The following BACH2 variants were observed in gnomAD, a reference collection of about 807,000 sequenced individuals.
BACH2 encodes transcription regulator protein BACH2.
A neutral mutation model predicts 61.8 loss-of-function variants in BACH2; 5 were observed. The observed-to-expected ratio is 0.08, with a 90% confidence interval of 0.04 to 0.17. The LOEUF is 0.17. Among genes scored for constraint, BACH2 ranks in the 10% least tolerant of loss-of-function variants. The pLI, the probability that BACH2 is intolerant of heterozygous loss-of-function variation, is 1.00. For synonymous variants in BACH2, 446 were observed against 440.1 expected (o/e 1.01, Z -0.17); for missense variants, 824 against 1,091.1 (o/e 0.76, Z 3.45).
At chr6:90,239,704 GT>G (rs1770375251) in intron 3 of BACH2, among the ~76,000 whole-genome samples, 1 of 150,834 alleles carries the variant, frequency 6.6e-6, no homozygotes, top group East Asian at 2.0e-4. Flanking sequence ...AAGAGATTAT[GT>G]TATCTCTGAA....
intron 4 of BACH2, among the ~76,000 whole-genome samples, chr6:90,203,391 CAAAAAA>C (rs34539345): frequency 3.3e-5 from 2 of 59,786 alleles, no homozygotes; most frequent in African/African-American, 7.2e-5. Context: ...TCTCTCTCTC[CAAAAAA>C]AAAAAAAAAA....
intron 4 of BACH2, among the ~76,000 whole-genome samples, chr6:90,186,016 T>A (rs191635385): frequency 0.021 from 3,209 of 152,260 alleles, 110 homozygotes; most frequent in African/African-American, 0.067. Context: ...AGGCTACTTT[T>A]AAAAAATTTT....
intron 5 of BACH2, among the ~76,000 whole-genome samples, chr6:90,067,633 T>C (rs1351452656): frequency 6.6e-6 from 1 of 151,916 alleles, no homozygotes; most frequent in East Asian, 1.9e-4. Context: ...AGGGTGGAGG[T>C]GAAGTTCACT....
chr6:90,288,032 C>T lies in BACH2; in HGVS notation c.-446+8448G>A, dbSNP rs143621877. 8.9e-4 allele frequency among the ~76,000 whole-genome samples: 136 copies of T among 152,202 alleles called. No homozygotes were observed. The Middle Eastern group carries it at 0.01, about 11-fold the overall frequency. ...GCCTAGCTTCTTTACATCTGGGACA[C>T]GGACCATCATCCCTGGCACTTATCT... On this transcript the variant is annotated intron_variant, in intron 1 of 8. Coordinates refer to ENST00000257749, the MANE Select transcript of BACH2 (RefSeq NM_021813.4).
chr6:90,189,495 C>G (rs548252249), intron 4 of BACH2, among the ~76,000 whole-genome samples: 3 of 151,596 alleles, frequency 2.0e-5, no homozygotes, highest in Admixed American at 6.6e-5. Context: ...GTAGTCCCAG[C>G]TACTCGGGAG....
intron 4 of BACH2, among the ~76,000 whole-genome samples, chr6:90,196,677 T>C (rs1768770328): frequency 6.6e-6 from 1 of 152,148 alleles, no homozygotes; most frequent in Admixed American, 6.6e-5. Context: ...CCTACAGTTC[T>C]CATTAACAGG....
At position 90,231,985 on chromosome 6, in the gene BACH2, C is replaced by CAG. The variant is rs542457957; in HGVS notation, c.-275+20526_-275+20527dup. Among the ~76,000 whole-genome samples the CAG allele has an allele frequency of 3.7e-3, 552 of 149,348 alleles. 2 individuals are homozygous for CAG. Among genetic ancestry groups the CAG allele is most frequent in the East Asian group, 0.012 (59 of 5,078 alleles). On this transcript the variant is annotated intron_variant, in intron 3 of 8. Coordinates refer to ENST00000257749, the MANE Select transcript of BACH2 (RefSeq NM_021813.4). The stretch of plus-strand genomic sequence containing the variant: ...ATATATTTGGTCTGAGAGAGAGAGA[C>CAG]AGAGAGAGAGAGAGAGAGAGAGAGA...
At chr6:90,210,099 T>C (rs1233301567) in intron 3 of BACH2, among the ~76,000 whole-genome samples, 1 of 152,172 alleles carries the variant, frequency 6.6e-6, no homozygotes, top group Non-Finnish European at 1.5e-5. Context: ...TGCACTTTTA[T>C]ATATTAATAC....
Position 89,951,715 on chromosome 6 carries a change from T to A in BACH2, c.391A>T (p.Thr131Ser), listed in dbSNP as rs1248228055. 6.2e-7 allele frequency: 1 copy of A among 1,614,204 alleles called. No individual in the cohort carries two copies. The highest frequency in any genetic ancestry group is 1.1e-5 in the South Asian group (1 of 91,086). The change falls in exon 7 of 9, where the codon ACC becomes TCC. Residue 131 changes from threonine to serine, a missense_variant. Around this residue, in one of 8 missense-constraint regions of BACH2, gnomAD observed 107 missense variants for 121.7 expected, o/e 0.88. Transcript: ENST00000257749. This position sits in a 1 kb window ranked among gnomAD's most constrained non-coding sequence, Gnocchi z 6.4. ...LEDSCFSFLQTQLLNSEDGLF... is the reference protein window; with the variant it reads ...LEDSCFSFLQSQLLNSEDGLF... ...CCATCCTCACTGTTCAGGAGCTGGG[T>A]CTGCAGGAAGCTGAAGCAGGAGTCC... is the stretch of plus-strand genomic sequence containing the variant.
intron 3 of BACH2, among the ~76,000 whole-genome samples, chr6:90,207,452 T>C (rs534168481): frequency 6.6e-6 from 1 of 152,308 alleles, no homozygotes; most frequent in South Asian, 2.1e-4. Context: ...GGGAAAATAT[T>C]TTAAAAATGA....
In BACH2 at chr6:90,102,038, C is replaced by T. The variant is rs1048834341; in HGVS notation, c.-161-12929G>A. On this transcript the variant is annotated intron_variant, in intron 4 of 8. Transcript: ENST00000257749. ...TATTATTCATTCTAATAGGTTTTTT[C>T]GTGTGTGGTTTATTTTTTCTTCTAA... 3.3e-5 allele frequency among the ~76,000 whole-genome samples: 5 copies of T among 152,088 alleles called. No individual in the cohort carries two copies. The East Asian group carries it at 7.7e-4, about 23-fold the overall frequency.
chr6:89,952,806 C>T (rs1774209728), intron 6 of BACH2: 1 of 152,236 alleles, frequency 6.6e-6, no homozygotes, highest in African/African-American at 2.4e-5. Context: ...TGCCCACACG[C>T]ATGCCTGCTC....
intron 4 of BACH2, among the ~76,000 whole-genome samples, chr6:90,104,785 A>G (rs1213826023): frequency 1.3e-5 from 2 of 152,142 alleles, no homozygotes; most frequent in Non-Finnish European, 2.9e-5. Context: ...TGGGGTGTCC[A>G]TGTGCATGTT....
rs1366800595 is a variant in BACH2, at chr6:90,296,579, T to A, written c.-545A>T. On this transcript the variant is annotated 5_prime_UTR_variant, in exon 1 of 9. An upstream open reading frame in the 5' UTR loses its in-frame stop. Transcript: ENST00000257749. Reference sequence around the variant, plus strand: ...GCCGGCGAGGTGGGCAGTTCGTGGGTCACCGAAAGCTCGCGGAGGGGACGC... The same window carrying A: ...GCCGGCGAGGTGGGCAGTTCGTGGGACACCGAAAGCTCGCGGAGGGGACGC... 6.6e-6 allele frequency: 1 copy of A among 151,590 alleles called. No individual in the cohort carries two copies. Among genetic ancestry groups the A allele is most frequent in the South Asian group, 2.1e-4 (1 of 4,860 alleles). 9.4% of individuals were successfully genotyped at this position (151,590 alleles called of 1,614,324 possible). A position where few individuals can be genotyped will look rare whatever the true frequency, so the allele number is the denominator to read the frequency against.
At chr6:90,178,174 C>T (rs1449118258) in intron 4 of BACH2, among the ~76,000 whole-genome samples, 2 of 152,186 alleles carry the variant, frequency 1.3e-5, no homozygotes. Flanking sequence ...TGGGGAAATG[C>T]AAAGTTTGCT....
chr6:89,983,143 T>C (rs1326420272), intron 6 of BACH2, among the ~76,000 whole-genome samples: 1 of 152,230 alleles, frequency 6.6e-6, no homozygotes, highest in Non-Finnish European at 1.5e-5. Flanking sequence ...ATCCCCATCC[T>C]CTGCCTCCTT....
chr6:89,993,801 T>C (rs1408552015), intron 6 of BACH2, among the ~76,000 whole-genome samples: 1 of 151,500 alleles, frequency 6.6e-6, no homozygotes, highest in East Asian at 1.9e-4. Flanking sequence ...GGTGACTTTA[T>C]GTTTTTTTTT....
intron 6 of BACH2, among the ~76,000 whole-genome samples, chr6:89,995,618 A>G (rs1035966804): frequency 1.3e-5 from 2 of 152,176 alleles, no homozygotes; most frequent in African/African-American, 4.8e-5. Flanking sequence ...TTTTGGTATA[A>G]TAATAGTGTC....
chr6:90,229,232 G>A (rs1365040073), intron 3 of BACH2, among the ~76,000 whole-genome samples: 1 of 152,222 alleles, frequency 6.6e-6, no homozygotes, highest in Admixed American at 6.5e-5. Flanking sequence ...GCCGAGGCAG[G>A]CGGATGACCT....
Sources: gnomAD v4.1 joint callset for allele counts (sites outside exome capture counted in the v4.1 genomes callset) on GRCh38, gnomAD v4.1.1 for gene constraint, gnomAD v4.1.1 regional missense constraint, Gnocchi (gnomAD v3.1) non-coding constraint, MANE v1.5 for transcripts, NCBI Gene and HGNC (gene_info 2026-07-23, HGNC 2026-07-21) for gene names.